The following LIMS4 variants were observed in gnomAD, a reference collection of about 807,000 sequenced individuals.
LIMS4 encodes LIM and senescent cell antigen-like-containing domain protein 4.
At chr2:110,382,096 AAAATATATAT>A in the LIMS4 span, among the ~76,000 whole-genome samples, 2 of 73,150 alleles carry the variant, frequency 2.7e-5, no homozygotes, top group Non-Finnish European at 4.6e-5. Flanking sequence ...AAAAAAAAAA[AAAATATATAT>A]ATATATATAT....
the LIMS4 span, among the ~76,000 whole-genome samples, chr2:110,367,968 T>C: frequency 1.4e-5 from 2 of 145,454 alleles, no homozygotes; most frequent in Non-Finnish European, 3.0e-5. Flanking sequence ...CTTAATCTTA[T>C]GTAAATTTTT....
At chr2:110,361,862 T>C in the LIMS4 span, 2 of 1,113,040 alleles carry the variant, frequency 1.8e-6, 1 homozygote, top group South Asian at 2.5e-5. Context: ...TGGGGCAGAC[T>C]TAAACGTCAT....
At chr2:110,422,502 A>G in the LIMS4 span, among the ~76,000 whole-genome samples, 3 of 110,414 alleles carry the variant, frequency 2.7e-5, no homozygotes, top group Non-Finnish European at 5.0e-5. Flanking sequence ...TTTTTTTTAG[A>G]TGGGGTCTTG....
chr2:110,368,705 A>T, the LIMS4 span, among the ~76,000 whole-genome samples: 1 of 128,614 alleles, frequency 7.8e-6, no homozygotes, highest in Non-Finnish European at 1.6e-5. Context: ...AAACATGACT[A>T]TATAAGGTAA....
the LIMS4 span, among the ~76,000 whole-genome samples, chr2:110,425,201 A>G: frequency 1.4e-5 from 2 of 143,242 alleles, no homozygotes; most frequent in Non-Finnish European, 3.0e-5. Flanking sequence ...ATACCTGCCT[A>G]GGCAACATAT....
the LIMS4 span, among the ~76,000 whole-genome samples, chr2:110,392,702 C>T: frequency 6.7e-6 from 1 of 149,088 alleles, no homozygotes; most frequent in Non-Finnish European, 1.5e-5. Context: ...GAGCCTGGGG[C>T]TTTGGAACCC....
chr2:110,372,598 T>TGG, the LIMS4 span, among the ~76,000 whole-genome samples: 2 of 148,606 alleles, frequency 1.3e-5, no homozygotes, highest in Admixed American at 6.6e-5. Context: ...CTCCGCCTCC[T>TGG]GGGTTCAAGC....
chr2:110,372,329 CCTT>C, the LIMS4 span, among the ~76,000 whole-genome samples: 5 of 127,520 alleles, frequency 3.9e-5, no homozygotes, highest in East Asian at 1.0e-3. Flanking sequence ...CAATTTTCCT[CCTT>C]TAGTGCTGAG....
downstream of LIMS4, among the ~76,000 whole-genome samples, chr2:110,443,070 T>TTTTTC (rs1688170413): frequency 1.9e-5 from 2 of 104,848 alleles, no homozygotes; most frequent in Non-Finnish European, 3.6e-5. Flanking sequence ...TTTTCTTTTT[T>TTTTTC]TTTTTTAGAA....
chr2:110,395,931 C>T, the LIMS4 span, among the ~76,000 whole-genome samples: 20 of 141,126 alleles, frequency 1.4e-4, 5 homozygotes, highest in African/African-American at 3.8e-4. Context: ...GAGGCACATA[C>T]CAGCGTCCTA....
chr2:110,361,842 A>G, the LIMS4 span: 2 of 826,022 alleles, frequency 2.4e-6, no homozygotes, highest in South Asian at 1.4e-5. Context: ...TAGGTGTGGG[A>G]ATGTGTGCTT....
chr2:110,453,978 AAATAT>A (rs1305240580), intron 5 of LIMS4, among the ~76,000 whole-genome samples: 1 of 85,298 alleles, frequency 1.2e-5, no homozygotes. Context: ...CAAATTAAAT[AAATAT>A]AACAACATCT....
chr2:110,370,841 GTA>G, the LIMS4 span, among the ~76,000 whole-genome samples: 3 of 133,706 alleles, frequency 2.2e-5, no homozygotes, highest in Non-Finnish European at 4.6e-5. Context: ...TCACTTTGTT[GTA>G]TATAGGTTTG....
chr2:110,367,005 C>T, the LIMS4 span, among the ~76,000 whole-genome samples: 5 of 149,168 alleles, frequency 3.4e-5, no homozygotes, highest in Admixed American at 2.7e-4. Context: ...ATAAAGGGAA[C>T]CAGGGAGGTG....
chr2:110,371,994 C>G, the LIMS4 span, among the ~76,000 whole-genome samples: 3 of 152,054 alleles, frequency 2.0e-5, no homozygotes, highest in African/African-American at 7.3e-5. Flanking sequence ...AACTAGGGCC[C>G]AGCTTGCCAG....
At chr2:110,382,832 C>T in the LIMS4 span, 1 of 140,666 alleles carries the variant, frequency 7.1e-6, no homozygotes, top group Non-Finnish European at 1.5e-5. Context: ...TACGGATTTC[C>T]TAGGGCGGGG....
the LIMS4 span, among the ~76,000 whole-genome samples, chr2:110,368,833 C>G: frequency 7.0e-6 from 1 of 143,746 alleles, no homozygotes; most frequent in Admixed American, 7.0e-5. Flanking sequence ...AAACTGATGC[C>G]TGATTCCTAA....
At chr2:110,373,682 C>T in the LIMS4 span, among the ~76,000 whole-genome samples, 2 of 151,428 alleles carry the variant, frequency 1.3e-5, no homozygotes, top group South Asian at 2.1e-4. Flanking sequence ...GGATGGGAGG[C>T]TAGTCCCTTG....
the LIMS4 span, among the ~76,000 whole-genome samples, chr2:110,425,051 C>G: frequency 1.3e-4 from 18 of 142,716 alleles, no homozygotes; most frequent in South Asian, 6.5e-4. Context: ...CACAATAAAC[C>G]TTGCTACTGC....
Sources: allele counts gnomAD v4.1 joint callset (sites outside exome capture counted in the v4.1 genomes callset), GRCh38; gene constraint gnomAD v4.1.1; transcripts MANE v1.5; gene names NCBI Gene and HGNC (gene_info 2026-07-23, HGNC 2026-07-21).